The following GMCL1 variants were observed in gnomAD, a reference collection of about 807,000 sequenced individuals.
GMCL1 encodes the protein germ cell-less protein-like 1.
Under a neutral mutation model 75.5 loss-of-function variants are expected in GMCL1, and 54 were observed. The ratio of observed to expected loss-of-function variants is 0.71; its 90% confidence interval spans 0.57 to 0.90. GMCL1 has a LOEUF of 0.90. Ranked by LOEUF, GMCL1 falls within the 40% of genes least tolerant of loss-of-function variation. The pLI is 0.00. For missense variants in GMCL1, 537 were observed against 622.7 expected (o/e 0.86, Z 1.47); for synonymous variants, 210 against 209.6 (o/e 1.00, Z -0.02).
chr2:69,840,472 G>A (rs774685024), intron 3 of GMCL1, among the ~76,000 whole-genome samples: 1 of 152,192 alleles, frequency 6.6e-6, no homozygotes, highest in Admixed American at 6.5e-5. Flanking sequence ...AGTGGCAGTG[G>A]AGGAAGGATG....
rs879868291 is a variant in GMCL1 at position 69,844,002 on chromosome 2, C to G, written c.693-129C>G. ...ACTGACAAAAATAATACTAAATTTC[C>G]TATTGTTAAGCTAAAAGTTTTGAGC... On this transcript the variant is annotated intron_variant, in intron 5 of 13. Coordinates refer to ENST00000282570, the MANE Select transcript of GMCL1 (RefSeq NM_178439.5). 8 of 455,436 alleles carry G rather than the reference C, an allele frequency of 1.8e-5. No individual in the cohort carries two copies. The Admixed American group carries it at 2.9e-4, about 17-fold the overall frequency. The allele number at this position is 455,436 out of a possible 1,614,324, so 28.2% of individuals were successfully genotyped here.
chr2:69,862,948 C>T (rs1472478538), intron 10 of GMCL1, among the ~76,000 whole-genome samples: 1 of 151,990 alleles, frequency 6.6e-6, no homozygotes, highest in Non-Finnish European at 1.5e-5. Flanking sequence ...TCTGTATATT[C>T]AATTTTTAAA....
chr2:69,846,196 C>G (rs1394120219), intron 6 of GMCL1, among the ~76,000 whole-genome samples: 2 of 151,810 alleles, frequency 1.3e-5, no homozygotes, highest in Non-Finnish European at 2.9e-5. Context: ...GATGTCAAGG[C>G]ATAAATAAAT....
At chr2:69,858,160 A>G (rs1675534157) in intron 9 of GMCL1, among the ~76,000 whole-genome samples, 1 of 151,852 alleles carries the variant, frequency 6.6e-6, no homozygotes, top group Non-Finnish European at 1.5e-5. Context: ...AAATGTCCAT[A>G]TTTTTTCCCC....
intron 7 of GMCL1, among the ~76,000 whole-genome samples, chr2:69,848,487 G>A (rs2103979963): frequency 6.6e-6 from 1 of 152,272 alleles, no homozygotes; most frequent in South Asian, 2.1e-4. Flanking sequence ...CTGGCGGATC[G>A]CTTGAGGCCT....
intron 10 of GMCL1, among the ~76,000 whole-genome samples, chr2:69,862,820 A>G (rs550609132): frequency 1.3e-5 from 2 of 152,290 alleles, no homozygotes; most frequent in South Asian, 4.1e-4. Context: ...TGAGCTATTT[A>G]ATGGAATTGA....
At chr2:69,865,528 A>T (rs1675787046) in intron 11 of GMCL1, among the ~76,000 whole-genome samples, 1 of 152,002 alleles carries the variant, frequency 6.6e-6, no homozygotes, top group Admixed American at 6.6e-5. Flanking sequence ...CATGCCTGTA[A>T]ACCCAGCTAC....
At chr2:69,846,827 C>G (rs987266552) in intron 6 of GMCL1, among the ~76,000 whole-genome samples, 8 of 143,638 alleles carry the variant, frequency 5.6e-5, no homozygotes, top group African/African-American at 2.0e-4. Context: ...GTTTTAGTGT[C>G]TTTTTTTTTT....
intron 1 of GMCL1, among the ~76,000 whole-genome samples, chr2:69,833,506 C>T (rs1426326307): frequency 6.6e-6 from 1 of 152,194 alleles, no homozygotes; most frequent in African/African-American, 2.4e-5. Flanking sequence ...TTCCTAGCTA[C>T]TTGGGAGGCT....
Position 69,869,798 on chromosome 2 carries a change from G to A in GMCL1, c.1298G>A (p.Arg433His), listed in dbSNP as rs757858304. The A allele has an allele frequency of 6.2e-6, 10 of 1,613,896 alleles. No individual in the cohort carries two copies. The East Asian group carries it at 1.1e-4, about 18-fold the overall frequency. ...ACCAATCGATACATCATTTTCAAAC[G>A]CAATACACTGAATCAGCCATGTAGC... The part of the protein sequence containing the change: ...TYTNRYIIFK[R>H]NTLNQPCSGS... The change falls in exon 12 of 14, where the codon CGC (arginine) becomes CAC (histidine). Residue 433 changes from arginine (R) to histidine (H), a missense_variant. Physicochemically the swap from Arg to His is conservative, Grantham distance 29. Coordinates refer to ENST00000282570, the MANE Select transcript of GMCL1 (RefSeq NM_178439.5).
In GMCL1 at chr2:69,861,348, G is replaced by GT. The variant is rs769625231; in HGVS notation, c.1142+2dup. 2 of 1,596,152 alleles carry GT rather than the reference G, an allele frequency of 1.3e-6. No homozygotes were observed. The highest frequency in any genetic ancestry group is 1.7e-5 in the Admixed American group (1 of 59,256). On this transcript the variant is annotated splice_donor_variant, in intron 10 of 13. Coordinates refer to ENST00000282570, the MANE Select transcript of GMCL1 (RefSeq NM_178439.5). LOFTEE classifies it high-confidence loss of function. ...GGGCAGAACAGGACAGTGAGGTGGG[G>GT]TAAGTATATTATACCTTATCATTTT...
At chr2:69,844,004 ATTG>A (rs1179252998) in intron 5 of GMCL1, 124 bp from the exon 6 acceptor site, 2 of 461,154 alleles carry the variant, frequency 4.3e-6, no homozygotes, top group Non-Finnish European at 7.8e-6. Context: ...TAAATTTCCT[ATTG>A]TTAAGCTAAA....
In GMCL1 at chr2:69,854,818, T is replaced by C; in HGVS notation, c.935-5T>C. On this transcript the variant is annotated splice_polypyrimidine_tract_variant and splice_region_variant and intron_variant, in intron 8 of 13. Coordinates refer to ENST00000282570, the MANE Select transcript of GMCL1 (RefSeq NM_178439.5). ...TGGCTGTTTAACTTACATGGTTTTT[T>C]ATAGATTTTGAAGGTATGGCCTTTC... 6.2e-7 allele frequency: 1 copy of C among 1,601,478 alleles called. No homozygotes were observed. Among genetic ancestry groups the C allele is most frequent in the Non-Finnish European group, 8.5e-7 (1 of 1,176,428 alleles).
In GMCL1 at chr2:69,843,276, T is replaced by G. The variant is rs1434961938; in HGVS notation, c.692+15T>G. The G allele has an allele frequency of 1.5e-6, 2 of 1,378,194 alleles. No homozygotes were observed. The highest frequency in any genetic ancestry group is 4.6e-5 in the East Asian group (2 of 43,708). The allele number at this position is 1,378,194 out of a possible 1,614,324, so 85.4% of individuals were successfully genotyped here. A position where few individuals can be genotyped will look rare whatever the true frequency, so the allele number is the denominator to read the frequency against. On this transcript the variant is annotated intron_variant, in intron 5 of 13. Coordinates refer to ENST00000282570, the MANE Select transcript of GMCL1 (RefSeq NM_178439.5). ...GTAAAGAAAAAGTGAGTTGCCTTTC[T>G]TGTTTTTCTTCCTATCCCACTTTTA...
chr2:69,857,112 C>A (rs1675494455), intron 9 of GMCL1, among the ~76,000 whole-genome samples: 1 of 152,172 alleles, frequency 6.6e-6, no homozygotes, highest in African/African-American at 2.4e-5. Flanking sequence ...ATGTTCATAG[C>A]CTCATTCCCT....
In GMCL1 at chr2:69,837,402, A is replaced by G. The variant is rs1170927801; in HGVS notation, c.261-145A>G. 6 of 675,460 alleles carry G rather than the reference A, an allele frequency of 8.9e-6. No individual in the cohort carries two copies. In the East Asian group the frequency reaches 2.1e-4, roughly 23 times the overall value. 41.8% of individuals were successfully genotyped at this position (675,460 alleles called of 1,614,324 possible). ...TCTAGACACAAGAAAATTTGAATATATACTATCTCCCTATCCTTTTACACA... is the reference window on the plus strand; with the variant it reads ...TCTAGACACAAGAAAATTTGAATATGTACTATCTCCCTATCCTTTTACACA... On this transcript the variant is annotated intron_variant, in intron 1 of 13. Transcript: ENST00000282570.
chr2:69,836,953 A>T (rs1183230204), intron 1 of GMCL1, among the ~76,000 whole-genome samples: 1 of 152,114 alleles, frequency 6.6e-6, no homozygotes, highest in African/African-American at 2.4e-5. Context: ...ATAAATAAAT[A>T]ATTTTAAAAA....
intron 6 of GMCL1, among the ~76,000 whole-genome samples, chr2:69,846,296 C>T (rs749370193): frequency 2.0e-5 from 3 of 152,020 alleles, no homozygotes; most frequent in Non-Finnish European, 4.4e-5. Context: ...GTGGATTCTA[C>T]CAACTGCCGA....
At chr2:69,864,847 A>T in intron 10 of GMCL1, 53 bp from the exon 11 acceptor site, 1 of 1,172,634 alleles carries the variant, frequency 8.5e-7, no homozygotes, top group Non-Finnish European at 1.3e-6. Context: ...GTTCTTTTTT[A>T]ATTATTAGTT....
Sources: gnomAD v4.1 joint callset for allele counts (sites outside exome capture counted in the v4.1 genomes callset) on GRCh38, gnomAD v4.1.1 for gene constraint, MANE v1.5 for transcripts, NCBI Gene and HGNC (gene_info 2026-07-23, HGNC 2026-07-21) for gene names.